The following FAM171A2 variants were observed in gnomAD, a reference collection of about 807,000 sequenced individuals.
The protein encoded by FAM171A2 is protein FAM171A2.
In FAM171A2, 13 loss-of-function variants were observed where a neutral mutation model predicts 34.2. The observed-to-expected ratio is 0.38, with a 90% CI of 0.25 to 0.60. The LOEUF (loss-of-function observed/expected upper bound fraction) is 0.60. Ranked by LOEUF, FAM171A2 falls within the 20% of genes least tolerant of loss-of-function variation. FAM171A2 has a pLI of 0.62. For synonymous variants in FAM171A2, 475 were observed against 561.2 expected (o/e 0.85, Z 2.17); for missense variants, 950 against 1,180.7 (o/e 0.80, Z 2.86).
At chr17:44,359,397 A>T in intron 3 of FAM171A2, 182 bp downstream of exon 3, 3 of 610,046 alleles carry the variant, frequency 4.9e-6, no homozygotes, top group Admixed American at 2.9e-5. Context: ...TCACTTTGTG[A>T]TTTCTTACTC....
At position 44,354,249 on chromosome 17, in the gene FAM171A2, G is replaced by A; in HGVS notation, c.1965C>T (p.Phe655=). Residue 655 remains phenylalanine (F), a synonymous_variant, in exon 8 of 8, where the codon TTC becomes TTT. Transcript: ENST00000293443. The surrounding 1 kb of genome is among the most constrained non-coding windows in gnomAD (Gnocchi z 5.8). ...LGVKPHPRAW[F]VSLDGRSNSQ... ...AGTTGGAGCGCCCGTCGAGGGACAC[G>A]AACCAGGCGCGCGGGTGCGGCTTCA... 1.4e-6 allele frequency: 2 copies of A among 1,455,054 alleles called. No homozygotes were observed. The highest frequency in any genetic ancestry group is 1.5e-5 in the African/African-American group (1 of 67,768). The allele number at this position is 1,455,054 out of a possible 1,614,324, so 90.1% of individuals were successfully genotyped here.
chr17:44,358,241 A>G (rs930175002), intron 3 of FAM171A2, among the ~76,000 whole-genome samples: 2 of 152,242 alleles, frequency 1.3e-5, no homozygotes, highest in African/African-American at 4.8e-5. Flanking sequence ...TGGAGGGTGC[A>G]GTCAGCTCTG....
At position 44,354,644 on chromosome 17, in the gene FAM171A2, A is replaced by C; in HGVS notation, c.1570T>G (p.Ser524Ala). The change falls in exon 8 of 8, where the codon TCC becomes GCC. Residue 524 changes from serine (S) to alanine (A), a missense_variant. Transcript: ENST00000293443. The surrounding 1 kb of genome is among the most constrained non-coding windows in gnomAD (Gnocchi z 5.8). ...ACGTTGTCCTTGAGGTGGTCGATGG[A>C]GCCGCAGAAGATGAGCTGCCCCGCC... ...GQAGQLIFCG[S>A]IDHLKDNVYR... The C allele has an allele frequency of 7.7e-7, 1 of 1,299,292 alleles. No homozygotes were observed. Among genetic ancestry groups the C allele is most frequent in the Non-Finnish European group, 9.8e-7 (1 of 1,022,596 alleles). 80.5% of individuals were successfully genotyped at this position (1,299,292 alleles called of 1,614,324 possible).
intron 1 of FAM171A2, among the ~76,000 whole-genome samples, chr17:44,361,742 G>A (rs780610287): frequency 1.3e-5 from 2 of 152,188 alleles, no homozygotes; most frequent in Admixed American, 6.5e-5. Flanking sequence ...ACTTCAATTT[G>A]ATGATGTAGG....
chr17:44,354,414 G>T lies in FAM171A2; in HGVS notation c.1800C>A (p.Gly600=). The change falls in exon 8 of 8, where the codon GGC becomes GGA. Residue 600 remains glycine (G), a synonymous_variant. Coordinates refer to ENST00000293443, the MANE Select transcript of FAM171A2 (RefSeq NM_198475.3). This position sits in a 1 kb window ranked among gnomAD's most constrained non-coding sequence, Gnocchi z 5.8. ...CGCGCCCGGCCCCCCAGCCCTCGCC[G>T]CCGCCCCCGCCGCCCTCGCCCCCCG... ...SGPGGEGGGG[G]GEGWGAGRAA... is the part of the protein sequence containing the mutation. 1 of 1,156,708 alleles carries T rather than the reference G, an allele frequency of 8.6e-7. No homozygotes were observed. The highest frequency in any genetic ancestry group is 1.1e-6 in the Non-Finnish European group (1 of 935,512). 71.7% of individuals were successfully genotyped at this position (1,156,708 alleles called of 1,614,324 possible). A position where few individuals can be genotyped will look rare whatever the true frequency, so the allele number is the denominator to read the frequency against.
rs1043266501 is a variant in FAM171A2, at chr17:44,353,916, T to C, written c.2298A>G (p.Val766=). The change falls in exon 8 of 8, where the codon GTA becomes GTG. Residue 766 remains valine, a synonymous_variant. Transcript: ENST00000293443. The part of the protein sequence containing the change: ...VAAPEGRAAT[V]PRGRGRSRGD... ...CGCGGCTGCGGCCCCGCCCCCGGGG[T>C]ACCGTGGCCGCCCGGCCCTCGGGCG... The C allele has an allele frequency of 3.9e-6, 5 of 1,293,380 alleles. No individual in the cohort carries two copies. The highest frequency in any genetic ancestry group is 3.9e-6 in the Non-Finnish European group (4 of 1,026,924). 80.1% of individuals were successfully genotyped at this position (1,293,380 alleles called of 1,614,324 possible). A position where few individuals can be genotyped will look rare whatever the true frequency, so the allele number is the denominator to read the frequency against.
rs2048402256 is a variant in FAM171A2, at chr17:44,353,660, CCGCGGGCCCCCGGGGCGCGCACCCTGGG to C, written c.*45_*72del. On this transcript the variant is annotated 3_prime_UTR_variant, in exon 8 of 8. Transcript: ENST00000293443. Reference sequence around the variant, plus strand: ...GGCTGGGAGCTACGCGCGAGGGCCCCCGCGGGCCCCCGGGGCGCGCACCCTGGGTGCGGGCCCGCGCGGGAGGGGCGGT... The same window carrying C: ...GGCTGGGAGCTACGCGCGAGGGCCCCTGCGGGCCCGCGCGGGAGGGGCGGT... 8.8e-7 allele frequency: 1 copy of C among 1,138,140 alleles called. No homozygotes were observed. The highest frequency in any genetic ancestry group is 1.1e-6 in the Non-Finnish European group (1 of 915,220). The allele number at this position is 1,138,140 out of a possible 1,614,324, so 70.5% of individuals were successfully genotyped here. A position where few individuals can be genotyped will look rare whatever the true frequency, so the allele number is the denominator to read the frequency against.
Position 44,363,819 on chromosome 17 carries a change from C to G in FAM171A2, c.-105G>C, listed in dbSNP as rs1238272066. 1 of 446,782 alleles carries G rather than the reference C, an allele frequency of 2.2e-6. No homozygotes were observed. 27.7% of individuals were successfully genotyped at this position (446,782 alleles called of 1,614,324 possible). A position where few individuals can be genotyped will look rare whatever the true frequency, so the allele number is the denominator to read the frequency against. On this transcript the variant is annotated 5_prime_UTR_variant, in exon 1 of 8. Coordinates refer to ENST00000293443, the MANE Select transcript of FAM171A2 (RefSeq NM_198475.3). ...CGCCGCGCCTCGCAGCTCCGGCTCC[C>G]GCTCCCGCTGCGGCGCCCGCTCAGC... is the stretch of plus-strand genomic sequence containing the variant.
Position 44,354,990 on chromosome 17 carries a change from C to A in FAM171A2, c.1224G>T (p.Leu408Phe). The change falls in exon 8 of 8, where the codon TTG becomes TTT. Residue 408 changes from leucine to phenylalanine, a missense_variant. Leu to Phe is a conservative substitution (Grantham distance 22). This residue lies in a region of FAM171A2 where 752 missense variants were observed against 924.5 expected (regional missense o/e 0.81). Coordinates refer to ENST00000293443, the MANE Select transcript of FAM171A2 (RefSeq NM_198475.3). The surrounding 1 kb of genome is among the most constrained non-coding windows in gnomAD (Gnocchi z 5.8). ...LHSAFSSSRD[L>F]ASSRDDFFRT... Reference sequence around the variant, plus strand: ...GGAAGAAGTCATCCCGGGAGGAGGCCAAGTCCCGGGAGCTGGAGAAGGCCG... The same window carrying A: ...GGAAGAAGTCATCCCGGGAGGAGGCAAAGTCCCGGGAGCTGGAGAAGGCCG... 1 of 1,488,660 alleles carries A rather than the reference C, an allele frequency of 6.7e-7. No homozygotes were observed. Among genetic ancestry groups the A allele is most frequent in the Non-Finnish European group, 8.9e-7 (1 of 1,121,414 alleles). 92.2% of individuals were successfully genotyped at this position (1,488,660 alleles called of 1,614,324 possible).
intron 1 of FAM171A2, among the ~76,000 whole-genome samples, chr17:44,361,292 G>A (rs1426331458): frequency 2.6e-5 from 4 of 152,264 alleles, no homozygotes; most frequent in East Asian, 1.9e-4. Flanking sequence ...AACACACTTC[G>A]CCCCTACCTT....
chr17:44,355,626 C>A lies in FAM171A2; in HGVS notation c.1022+89G>T. On this transcript the variant is annotated intron_variant, in intron 7 of 7. Coordinates refer to ENST00000293443, the MANE Select transcript of FAM171A2 (RefSeq NM_198475.3). This position sits in a 1 kb window ranked among gnomAD's most constrained non-coding sequence, Gnocchi z 4.1. The stretch of plus-strand genomic sequence containing the variant: ...GCAGGAAGTCTTTTCCTGTCTGCCC[C>A]TTGAGGACCAGAAGTGGATTTTATG... 6.6e-7 allele frequency: 1 copy of A among 1,513,218 alleles called. No individual in the cohort carries two copies. The highest frequency in any genetic ancestry group is 8.9e-7 in the Non-Finnish European group (1 of 1,120,676). The allele number at this position is 1,513,218 out of a possible 1,614,324, so 93.7% of individuals were successfully genotyped here.
chr17:44,353,477 C>T lies in FAM171A2; in HGVS notation c.*256G>A, dbSNP rs1045994340. ...CTATGTACAGCCACGTCTACACAGGCACTGCTTCCCCCCAGCCCTCCTCCC... is the reference window on the plus strand; with the variant it reads ...CTATGTACAGCCACGTCTACACAGGTACTGCTTCCCCCCAGCCCTCCTCCC... On this transcript the variant is annotated 3_prime_UTR_variant, in exon 8 of 8. Transcript: ENST00000293443. 92 of 223,344 alleles carry T rather than the reference C, an allele frequency of 4.1e-4. No individual in the cohort carries two copies. Among genetic ancestry groups the T allele is most frequent in the African/African-American group, 1.8e-3 (79 of 43,374 alleles). The allele number at this position is 223,344 out of a possible 1,614,324, so 13.8% of individuals were successfully genotyped here.
In FAM171A2 at chr17:44,355,247, C is replaced by A; in HGVS notation, c.1023-56G>T. On this transcript the variant is annotated intron_variant, in intron 7 of 7. Coordinates refer to ENST00000293443, the MANE Select transcript of FAM171A2 (RefSeq NM_198475.3). The surrounding 1 kb of genome is among the most constrained non-coding windows in gnomAD (Gnocchi z 4.1). ...AGGAAAGGGTGAGGGCCAAAGTAGGCCCCGAACCCCCTTAGATGCAAGACA... is the reference window on the plus strand; with the variant it reads ...AGGAAAGGGTGAGGGCCAAAGTAGGACCCGAACCCCCTTAGATGCAAGACA... 6.5e-7 allele frequency: 1 copy of A among 1,533,502 alleles called. No individual in the cohort carries two copies. The allele number at this position is 1,533,502 out of a possible 1,614,324, so 95.0% of individuals were successfully genotyped here. A position where few individuals can be genotyped will look rare whatever the true frequency, so the allele number is the denominator to read the frequency against.
Position 44,355,316 on chromosome 17 carries a change from C to T in FAM171A2, c.1023-125G>A. The T allele has an allele frequency of 6.9e-7, 1 of 1,442,460 alleles. No homozygotes were observed. The highest frequency in any genetic ancestry group is 1.4e-5 in the South Asian group (1 of 69,554). 89.4% of individuals were successfully genotyped at this position (1,442,460 alleles called of 1,614,324 possible). A position where few individuals can be genotyped will look rare whatever the true frequency, so the allele number is the denominator to read the frequency against. On this transcript the variant is annotated intron_variant, in intron 7 of 7. Coordinates refer to ENST00000293443, the MANE Select transcript of FAM171A2 (RefSeq NM_198475.3). This position sits in a 1 kb window ranked among gnomAD's most constrained non-coding sequence, Gnocchi z 4.1. Reference sequence around the variant, plus strand: ...AGAGGTGGGGAGAATGCCTGGGGCGCTCAGGAGAGATGGCGGGGAGCCGCC... The same window carrying T: ...AGAGGTGGGGAGAATGCCTGGGGCGTTCAGGAGAGATGGCGGGGAGCCGCC...
chr17:44,362,751 C>T (rs894644243), intron 1 of FAM171A2, among the ~76,000 whole-genome samples: 81 of 152,038 alleles, frequency 5.3e-4, no homozygotes, highest in African/African-American at 1.9e-3. Flanking sequence ...TCCTCCACTG[C>T]GAAGATGTGA....
chr17:44,360,397 ATGAT>A (rs1230832087), intron 1 of FAM171A2, among the ~76,000 whole-genome samples: 1 of 152,232 alleles, frequency 6.6e-6, no homozygotes, highest in African/African-American at 2.4e-5. Flanking sequence ...GGCTATGCCT[ATGAT>A]TGATGATGCC....
chr17:44,361,349 G>A (rs1315401565), intron 1 of FAM171A2, among the ~76,000 whole-genome samples: 1 of 152,196 alleles, frequency 6.6e-6, no homozygotes, highest in African/African-American at 2.4e-5. Context: ...TCAGTGGGGG[G>A]CCCAGGAGAC....
intron 4 of FAM171A2, 37 bp downstream of exon 4, chr17:44,356,393 C>G: frequency 6.5e-7 from 1 of 1,547,170 alleles, no homozygotes; most frequent in Non-Finnish European, 8.7e-7. Flanking sequence ...GATCCTGAGC[C>G]TGGGGAGACC....
In FAM171A2 at chr17:44,354,897, G is replaced by C; in HGVS notation, c.1317C>G (p.Ala439=). Residue 439 remains alanine, a synonymous_variant, in exon 8 of 8, where the codon GCC becomes GCG. Coordinates refer to ENST00000293443, the MANE Select transcript of FAM171A2 (RefSeq NM_198475.3). The surrounding 1 kb of genome is among the most constrained non-coding windows in gnomAD (Gnocchi z 5.8). ...CGGCCGAGCGAGCGCCCTTGAGCCC[G>C]GCGCTCTCGCCCCCGCGGGCACCCG... ...EPSGARGGES[A]GLKGARSAEG... The C allele has an allele frequency of 7.2e-7, 1 of 1,388,262 alleles. No homozygotes were observed. The highest frequency in any genetic ancestry group is 9.3e-7 in the Non-Finnish European group (1 of 1,076,900). The allele number at this position is 1,388,262 out of a possible 1,614,324, so 86.0% of individuals were successfully genotyped here. A position where few individuals can be genotyped will look rare whatever the true frequency, so the allele number is the denominator to read the frequency against.
Sources: gnomAD v4.1 joint callset for allele counts (sites outside exome capture counted in the v4.1 genomes callset) on GRCh38, gnomAD v4.1.1 for gene constraint, gnomAD v4.1.1 regional missense constraint, Gnocchi (gnomAD v3.1) non-coding constraint, MANE v1.5 for transcripts, NCBI Gene and HGNC (gene_info 2026-07-23, HGNC 2026-07-21) for gene names.